The following AKR7A3 variants were observed in gnomAD, a reference collection of about 807,000 sequenced individuals.
The protein encoded by AKR7A3 is AFB1 aldehyde reductase 2.
AKR7A3 carries 37 observed loss-of-function variants against 32.5 expected under a neutral mutation model. The observed-to-expected ratio is 1.14, with a 90% CI of 0.88 to 1.50. The LOEUF (loss-of-function observed/expected upper bound fraction) is 1.50. AKR7A3 is among the 40% of genes most tolerant of loss of function. AKR7A3 has a pLI of 0.00. For missense variants in AKR7A3, 412 were observed against 453.2 expected (o/e 0.91, Z 0.83); for synonymous variants, 177 against 188.4 (o/e 0.94, Z 0.50).
downstream of AKR7A3, among the ~76,000 whole-genome samples, chr1:19,279,801 TC>T (rs2093716161): frequency 6.6e-6 from 1 of 151,932 alleles, no homozygotes; most frequent in Non-Finnish European, 1.5e-5. Flanking sequence ...TGATAAGAGT[TC>T]TTTATATAAT....
In AKR7A3 at chr1:19,284,093, G is replaced by T; in HGVS notation, c.737C>A (p.Ala246Asp). The T allele has an allele frequency of 6.2e-7, 1 of 1,613,522 alleles. No individual in the cohort carries two copies. Among genetic ancestry groups the T allele is most frequent in the Non-Finnish European group, 8.5e-7 (1 of 1,179,776 alleles). Residue 246 changes from alanine to aspartate, a missense_variant, in exon 6 of 7, where the codon GCC (alanine) becomes GAC (aspartate). Physicochemically the swap from Ala to Asp is moderately radical, Grantham distance 126. Transcript: ENST00000361640. ...YWKEHHFEGI[A>D]LVEKALQAAY... ...GGCCTGCAGGGCCTTCTCCACCAGG[G>T]CAATGCCCTCAAAGTGGTGCTCCTT...
chr1:19,286,766 C>T (rs1362659219), intron 1 of AKR7A3, among the ~76,000 whole-genome samples: 2 of 151,812 alleles, frequency 1.3e-5, no homozygotes, highest in African/African-American at 4.9e-5. Context: ...GTCCTCTTCC[C>T]ACTTTTCACA....
At position 19,285,990 on chromosome 1, in the gene AKR7A3, G is replaced by T. The variant is rs1242938432; in HGVS notation, c.405C>A (p.Gly135=). 1.2e-6 allele frequency: 2 copies of T among 1,613,728 alleles called. No individual in the cohort carries two copies. Among genetic ancestry groups the T allele is most frequent in the Admixed American group, 3.3e-5 (2 of 60,006 alleles). Residue 135 remains glycine, a splice_region_variant and synonymous_variant, in exon 3 of 7, where the codon GGC becomes GGA. Transcript: ENST00000361640. ...LRACHQLHQE[G]KFVELGLSNY... is the part of the protein sequence containing the mutation. ...TGGAGAGGCCAAGCTCCACGAACTT[G>T]CCCTGCTCAGGTGAGGCTCCAGTCA... is the stretch of plus-strand genomic sequence containing the variant.
chr1:19,277,240 GA>G, the AKR7A3 span, among the ~76,000 whole-genome samples: 4,852 of 151,874 alleles, frequency 0.032, 370 homozygotes, highest in African/African-American at 0.11. Context: ...AGAGGGAACT[GA>G]AAATAAGTAA....
intron 3 of AKR7A3, 60 bp downstream of exon 3, chr1:19,285,828 A>C (rs1223928629): frequency 6.2e-7 from 1 of 1,603,166 alleles, no homozygotes; most frequent in Non-Finnish European, 8.5e-7. Flanking sequence ...AGAGGGGCAA[A>C]GACAGCCCAG....
Position 19,288,588 on chromosome 1 carries a change from G to A in AKR7A3, c.122C>T (p.Thr41Ile). The change falls in exon 1 of 7, where the codon ACC becomes ATC. Residue 41 changes from threonine to isoleucine, a missense_variant. Thr to Ile is a moderately conservative substitution (Grantham distance 89, BLOSUM62 -1). Transcript: ENST00000361640. ...GTACACGAAGGCCGTGTCTATCTCGGTGTGGCCGCGCTCCAGGAAGGCGCG... is the reference window on the plus strand; with the variant it reads ...GTACACGAAGGCCGTGTCTATCTCGATGTGGCCGCGCTCCAGGAAGGCGCG... ...VTRAFLERGH[T>I]EIDTAFVYSE... 2 of 1,604,774 alleles carry A rather than the reference G, an allele frequency of 1.2e-6. No homozygotes were observed. Among genetic ancestry groups the A allele is most frequent in the Non-Finnish European group, 1.7e-6 (2 of 1,176,822 alleles).
intron 6 of AKR7A3, 128 bp downstream of exon 6, chr1:19,283,868 A>C: frequency 6.8e-7 from 1 of 1,471,982 alleles, no homozygotes; most frequent in Non-Finnish European, 9.1e-7. Context: ...AGTGGGAAGA[A>C]TGTTTGTGAG....
At chr1:19,284,226 G>C in intron 5 of AKR7A3, 101 bp from the exon 6 acceptor site, 2 of 1,466,248 alleles carry the variant, frequency 1.4e-6, no homozygotes, top group Non-Finnish European at 1.8e-6. Flanking sequence ...CTGCAGCCCT[G>C]AGGGGCAGGT....
chr1:19,282,955 T>C, intron 6 of AKR7A3, 63 bp from the exon 7 acceptor site: 1 of 1,589,014 alleles, frequency 6.3e-7, no homozygotes, highest in Non-Finnish European at 8.6e-7. Context: ...CTCACAGCCG[T>C]CCCAGCCACC....
chr1:19,279,066 C>T (rs2093715111), downstream of AKR7A3, among the ~76,000 whole-genome samples: 1 of 151,828 alleles, frequency 6.6e-6, no homozygotes. Context: ...TCAAGCAATC[C>T]TCCCACCTCG....
chr1:19,277,233 G>C, the AKR7A3 span, among the ~76,000 whole-genome samples: 1 of 151,048 alleles, frequency 6.6e-6, no homozygotes, highest in African/African-American at 2.5e-5. Flanking sequence ...GAGCCTGAGA[G>C]GGAACTGAAA....
In AKR7A3 at chr1:19,284,657, G is replaced by A. The variant is rs763881706; in HGVS notation, c.704+29C>T. The stretch of plus-strand genomic sequence containing the variant: ...TCCACATAAAGCTGACCCCACCCCA[G>A]CCATCCACACCAAGCACCCACAGCT... On this transcript the variant is annotated intron_variant, in intron 5 of 6. Coordinates refer to ENST00000361640, the MANE Select transcript of AKR7A3 (RefSeq NM_012067.3). The A allele has an allele frequency of 2.5e-6, 4 of 1,610,180 alleles. No individual in the cohort carries two copies. In the South Asian group the frequency reaches 3.3e-5, roughly 13 times the overall value.
the AKR7A3 span, among the ~76,000 whole-genome samples, chr1:19,275,844 G>C: frequency 6.6e-6 from 1 of 151,592 alleles, no homozygotes; most frequent in African/African-American, 2.4e-5. Context: ...AACTACCAAA[G>C]ACAAAGAGGG....
chr1:19,285,591 G>C (rs1238635791), intron 3 of AKR7A3, among the ~76,000 whole-genome samples: 1 of 151,712 alleles, frequency 6.6e-6, no homozygotes, highest in African/African-American at 2.4e-5. Context: ...TGTGAGACCT[G>C]AACCATTCTC....
chr1:19,288,449 G>A (rs1243719837), intron 1 of AKR7A3, 47 bp downstream of exon 1: 2 of 1,593,600 alleles, frequency 1.3e-6, no homozygotes, highest in East Asian at 2.3e-5. Flanking sequence ...GCTGTGGACA[G>A]GCTCAGCTCT....
the AKR7A3 span, among the ~76,000 whole-genome samples, chr1:19,276,297 G>T: frequency 1.8e-4 from 26 of 141,948 alleles, no homozygotes; most frequent in Admixed American, 9.7e-4. Flanking sequence ...GGAGGCAGAG[G>T]TTGCAGTGAG....
chr1:19,286,334 A>G lies in AKR7A3; in HGVS notation c.253T>C (p.Ser85Pro). 2 of 1,613,862 alleles carry G rather than the reference A, an allele frequency of 1.2e-6. No individual in the cohort carries two copies. The highest frequency in any genetic ancestry group is 2.2e-5 in the East Asian group (1 of 44,890). Residue 85 changes from serine (S) to proline (P), a missense_variant, in exon 2 of 7, where the codon TCC (serine) becomes CCC (proline). Transcript: ENST00000361640. The part of the protein sequence containing the change: ...DTKAIPLFGN[S>P]LKPDSLRFQL... ...AACCGGAGACTGTCAGGCTTCAGGG[A>G]GTTCCCAAACAGTGGAATGGCCTTG...
the AKR7A3 span, among the ~76,000 whole-genome samples, chr1:19,277,459 G>A: frequency 6.6e-6 from 1 of 151,462 alleles, no homozygotes; most frequent in African/African-American, 2.4e-5. Flanking sequence ...TGCTAAGAGG[G>A]AAATTTATAG....
rs771197268 is a variant in AKR7A3, at chr1:19,284,796, G to A, written c.605-11C>T. 1.4e-5 allele frequency: 22 copies of A among 1,613,152 alleles called. No homozygotes were observed. In the East Asian group the frequency reaches 2.2e-4, roughly 16 times the overall value. ...CGGTCAGCAGGCCCCCTGAGGGAAA[G>A]CAGCAATCAGCCCCGGGGCCTAGAG... On this transcript the variant is annotated splice_polypyrimidine_tract_variant and intron_variant, in intron 4 of 6. Coordinates refer to ENST00000361640, the MANE Select transcript of AKR7A3 (RefSeq NM_012067.3).
Sources: allele counts gnomAD v4.1 joint callset (sites outside exome capture counted in the v4.1 genomes callset), GRCh38; gene constraint gnomAD v4.1.1; transcripts MANE v1.5; gene names NCBI Gene and HGNC (gene_info 2026-07-23, HGNC 2026-07-21).